The following GPHN variants were observed in gnomAD, a reference collection of about 807,000 sequenced individuals.
GPHN encodes the protein gephyrin.
GPHN carries 17 observed loss-of-function variants against 95.5 expected under a neutral mutation model. The observed-to-expected ratio is 0.18, with a 90% CI of 0.12 to 0.27. GPHN has a LOEUF of 0.27. Among genes scored for constraint, GPHN ranks in the 10% least tolerant of loss-of-function variants. The probability of loss-of-function intolerance (pLI) is 1.00; values close to 1 mark genes in which losing one functional copy is unlikely to be tolerated. For synonymous variants in GPHN, 320 were observed against 322.5 expected, an observed-to-expected ratio of 0.99 and a Z score of 0.08; for missense variants, 660 against 978.1, an observed-to-expected ratio of 0.67 and a Z score of 4.34.
At chr14:66,534,223 T>C (rs2059050402) in intron 1 of GPHN, among the ~76,000 whole-genome samples, 1 of 152,136 alleles carries the variant, frequency 6.6e-6, no homozygotes, top group Non-Finnish European at 1.5e-5. Context: ...CAATTAACAC[T>C]CAGATCAAGA....
chr14:67,379,569 C>T, the GPHN span, among the ~76,000 whole-genome samples: 66 of 152,184 alleles, frequency 4.3e-4, no homozygotes, highest in East Asian at 5.2e-3. Context: ...GCCTTTTATT[C>T]CCAATAAGAC....
chr14:67,648,327 C>A, the GPHN span: 1 of 884,984 alleles, frequency 1.1e-6, no homozygotes, highest in Non-Finnish European at 1.6e-6. Context: ...ATTATATGGC[C>A]ATGCTAATAA....
chr14:67,372,725 G>A, the GPHN span, among the ~76,000 whole-genome samples: 5 of 152,000 alleles, frequency 3.3e-5, no homozygotes, highest in Non-Finnish European at 7.4e-5. Context: ...CTACTCAAGA[G>A]GCTGAGGCAG....
chr14:66,526,140 T>C (rs2058682244), intron 1 of GPHN, among the ~76,000 whole-genome samples: 1 of 152,202 alleles, frequency 6.6e-6, no homozygotes, highest in Admixed American at 6.5e-5. Flanking sequence ...TTCCATTTCA[T>C]TGTGTCCTCT....
chr14:66,950,283 T>C (rs1240716795), intron 8 of GPHN, among the ~76,000 whole-genome samples: 1 of 152,168 alleles, frequency 6.6e-6, no homozygotes, highest in Non-Finnish European at 1.5e-5. Flanking sequence ...CTGATTTAAC[T>C]CACTACAAAT....
At chr14:66,839,702 C>T (rs2061997722) in intron 4 of GPHN, among the ~76,000 whole-genome samples, 1 of 152,018 alleles carries the variant, frequency 6.6e-6, no homozygotes, top group African/African-American at 2.4e-5. Context: ...CTTTAATACC[C>T]CCATTGATGA....
chr14:67,119,788 C>T (rs1223135717), intron 16 of GPHN, among the ~76,000 whole-genome samples: 1 of 151,676 alleles, frequency 6.6e-6, no homozygotes, highest in Non-Finnish European at 1.5e-5. Flanking sequence ...TTGATGCTGT[C>T]TCAAAAACAA....
the GPHN span, among the ~76,000 whole-genome samples, chr14:67,418,894 T>A: frequency 9.2e-5 from 14 of 152,148 alleles, no homozygotes; most frequent in African/African-American, 3.4e-4. Flanking sequence ...CCTTGAGAGG[T>A]CAGTCACTCT....
At chr14:66,576,346 C>A (rs1326358215) in intron 1 of GPHN, among the ~76,000 whole-genome samples, 2 of 151,636 alleles carry the variant, frequency 1.3e-5, no homozygotes, top group Admixed American at 6.6e-5. Flanking sequence ...TAAAAATAAA[C>A]CTGGATTTTT....
chr14:66,793,784 C>CA (rs1205734805), intron 3 of GPHN, among the ~76,000 whole-genome samples: 2 of 151,548 alleles, frequency 1.3e-5, no homozygotes, highest in African/African-American at 4.8e-5. Context: ...AATATAGCTC[C>CA]AAAAATATGG....
chr14:67,336,310 TC>T, the GPHN span: 1 of 161,732 alleles, frequency 6.2e-6, no homozygotes, highest in African/African-American at 2.4e-5. Context: ...AGTTCAGCTT[TC>T]CATTCCTATT....
At chr14:67,143,029 T>C (rs1246874022) in intron 17 of GPHN, 3 of 333,492 alleles carry the variant, frequency 9.0e-6, no homozygotes, top group African/African-American at 6.4e-5. Context: ...ACATCTGACT[T>C]TAGTACTAAA....
the GPHN span, chr14:67,454,819 G>C: frequency 6.6e-6 from 1 of 152,040 alleles, no homozygotes; most frequent in African/African-American, 2.4e-5. Flanking sequence ...CTCTGGAAGA[G>C]GTGACATCCC....
At chr14:67,086,108 T>C (rs2076872130) in intron 11 of GPHN, among the ~76,000 whole-genome samples, 1 of 152,246 alleles carries the variant, frequency 6.6e-6, no homozygotes, top group Non-Finnish European at 1.5e-5. Context: ...CATTCATCTG[T>C]CAATGGATAC....
chr14:67,249,812 T>C, the GPHN span, among the ~76,000 whole-genome samples: 4 of 152,230 alleles, frequency 2.6e-5, no homozygotes, highest in South Asian at 8.3e-4. Context: ...ATGTAAGAAG[T>C]AGGCAATCTG....
the GPHN span, among the ~76,000 whole-genome samples, chr14:67,704,916 G>C: frequency 6.6e-6 from 1 of 152,164 alleles, no homozygotes; most frequent in African/African-American, 2.4e-5. Context: ...CACTCAGCAG[G>C]GGCATCTAAG....
At chr14:66,893,337 G>A (rs1020729244) in intron 5 of GPHN, among the ~76,000 whole-genome samples, 3 of 152,146 alleles carry the variant, frequency 2.0e-5, no homozygotes, top group Admixed American at 2.0e-4. Context: ...GACAGTGGTT[G>A]CAGCCCACTG....
At chr14:66,925,053 C>A (rs2066416090) in intron 8 of GPHN, among the ~76,000 whole-genome samples, 1 of 151,804 alleles carries the variant, frequency 6.6e-6, no homozygotes, top group African/African-American at 2.4e-5. Context: ...GCAAAACACC[C>A]AAAATTAGGA....
At chr14:66,990,300 T>C (rs897330625) in intron 9 of GPHN, among the ~76,000 whole-genome samples, 2 of 152,170 alleles carry the variant, frequency 1.3e-5, no homozygotes, top group Non-Finnish European at 2.9e-5. Flanking sequence ...GAGATTTGGG[T>C]GGAGACACAG....
Sources: allele counts gnomAD v4.1 joint callset (sites outside exome capture counted in the v4.1 genomes callset), GRCh38; gene constraint gnomAD v4.1.1; transcripts MANE v1.5; gene names NCBI Gene and HGNC (gene_info 2026-07-23, HGNC 2026-07-21).